Variants in TAF2 observed in about 807,000 individuals in gnomAD.
TAF2 encodes the protein TATA-box binding protein associated factor 2.
A neutral mutation model predicts 138.5 loss-of-function variants in TAF2; 61 were observed. The ratio of observed to expected loss-of-function variants is 0.44; its 90% CI spans 0.36 to 0.54. The LOEUF is 0.54. Ranked by LOEUF, TAF2 falls within the 20% of genes least tolerant of loss-of-function variation. The pLI, the probability that TAF2 is intolerant of heterozygous loss-of-function variation, is 0.00. For missense variants in TAF2, 1,090 were observed against 1,427.9 expected (o/e 0.76, Z 3.81); for synonymous variants, 475 against 469.9 (o/e 1.01, Z -0.14).
At chr8:119,807,970 G>A (rs117012050) in intron 3 of TAF2, among the ~76,000 whole-genome samples, 4,272 of 151,868 alleles carry the variant, frequency 0.028, 79 homozygotes, top group Non-Finnish European at 0.044. Flanking sequence ...CATATTCTAC[G>A]GAATAATTAA....
intron 20 of TAF2, chr8:119,760,377 T>C (rs1820979287): frequency 4.2e-6 from 2 of 476,016 alleles, no homozygotes; most frequent in South Asian, 2.9e-5. Context: ...AAAACTGACT[T>C]CTTGGAAAGG....
intron 18 of TAF2, among the ~76,000 whole-genome samples, chr8:119,767,560 G>A (rs561025311): frequency 1.1e-4 from 16 of 152,336 alleles, no homozygotes; most frequent in African/African-American, 3.6e-4. Flanking sequence ...GAAGACTGTA[G>A]AGACGCTGCT....
chr8:119,779,741 C>T (rs2043430), intron 17 of TAF2, among the ~76,000 whole-genome samples: 41,304 of 152,094 alleles, frequency 0.27, 6,874 homozygotes, highest in Admixed American at 0.46. Context: ...TAAATTTCAA[C>T]TTGCCTAACA....
Position 119,801,843 on chromosome 8 carries a change from G to C in TAF2, c.743C>G (p.Ser248Cys), listed in dbSNP as rs767047889. ...LTIPTAASNI[S>C]LAIGPFEILV... ...TATTTCAAATGGTCCAATGGCCAAGGAGATATTTGACGCTGCTGTAGGAAT... is the reference window on the plus strand; with the variant it reads ...TATTTCAAATGGTCCAATGGCCAAGCAGATATTTGACGCTGCTGTAGGAAT... Residue 248 changes from serine (S) to cysteine (C), a missense_variant, in exon 6 of 26, where the codon TCC (serine) becomes TGC (cysteine). Ser to Cys is a moderately radical substitution (Grantham distance 112). Coordinates refer to ENST00000378164, the MANE Select transcript of TAF2 (RefSeq NM_003184.4). 1.1e-5 allele frequency: 17 copies of C among 1,614,046 alleles called. No homozygotes were observed. The South Asian group carries it at 1.6e-4, about 16-fold the overall frequency.
At chr8:119,819,615 C>G (rs1452019709) in intron 2 of TAF2, 109 bp from the exon 3 acceptor site, 11 of 861,134 alleles carry the variant, frequency 1.3e-5, no homozygotes, top group Non-Finnish European at 1.9e-5. Flanking sequence ...GACAAAATCC[C>G]TAATAGCTAC....
intron 2 of TAF2, among the ~76,000 whole-genome samples, chr8:119,827,256 C>T (rs1242878289): frequency 1.3e-5 from 2 of 152,178 alleles, no homozygotes; most frequent in African/African-American, 4.8e-5. Context: ...TCATGTTCTT[C>T]AGATATTTCT....
intron 4 of TAF2, among the ~76,000 whole-genome samples, chr8:119,805,444 G>T (rs573923439): frequency 6.6e-6 from 1 of 152,038 alleles, no homozygotes; most frequent in Non-Finnish European, 1.5e-5. Flanking sequence ...AGTGGCTCAC[G>T]CCTGTAATCC....
At chr8:119,765,201 T>C (rs1821336152) in intron 18 of TAF2, among the ~76,000 whole-genome samples, 1 of 152,228 alleles carries the variant, frequency 6.6e-6, no homozygotes, top group East Asian at 1.9e-4. Flanking sequence ...TAAATGAATA[T>C]ATAAATATAG....
chr8:119,739,932 T>A (rs1296543844), intron 25 of TAF2, among the ~76,000 whole-genome samples: 1 of 152,070 alleles, frequency 6.6e-6, no homozygotes, highest in East Asian at 1.9e-4. Flanking sequence ...GTTATCTACT[T>A]CAAAAACTTT....
intron 23 of TAF2, among the ~76,000 whole-genome samples, chr8:119,745,340 T>C (rs1280959187): frequency 6.6e-6 from 1 of 152,144 alleles, no homozygotes; most frequent in Non-Finnish European, 1.5e-5. Flanking sequence ...ATTATAAATA[T>C]ATCAATTTTC....
intron 18 of TAF2, chr8:119,767,113 A>G (rs1821485311): frequency 6.6e-6 from 1 of 152,204 alleles, no homozygotes. Context: ...AATCTCATCA[A>G]TTCTTATAAT....
intron 5 of TAF2, among the ~76,000 whole-genome samples, chr8:119,802,913 A>C (rs1258843544): frequency 6.6e-6 from 1 of 152,038 alleles, no homozygotes; most frequent in Non-Finnish European, 1.5e-5. Flanking sequence ...GCAACAGGCT[A>C]TCTCTACTAA....
Position 119,766,621 on chromosome 8 carries a change from C to T in TAF2, c.2365-4013G>A, listed in dbSNP as rs1207106162. Among the ~76,000 whole-genome samples, 5 of 152,072 alleles carry T rather than the reference C, an allele frequency of 3.3e-5. No homozygotes were observed. The East Asian group carries it at 9.6e-4, about 29-fold the overall frequency. On this transcript the variant is annotated intron_variant, in intron 18 of 25. Coordinates refer to ENST00000378164, the MANE Select transcript of TAF2 (RefSeq NM_003184.4). ...CCTGGCCAAAACAGTGAAACCCTGT[C>T]TCCACTAAACATACAAAAATTAGCT...
intron 25 of TAF2, among the ~76,000 whole-genome samples, chr8:119,737,001 T>C (rs1055120870): frequency 6.6e-6 from 1 of 152,046 alleles, no homozygotes; most frequent in East Asian, 1.9e-4. Context: ...AACACTAGAA[T>C]GAAAAGTACA....
intron 14 of TAF2, among the ~76,000 whole-genome samples, chr8:119,786,562 T>C (rs1236579658): frequency 6.6e-6 from 1 of 152,184 alleles, no homozygotes; most frequent in African/African-American, 2.4e-5. Context: ...GAATGTTTGG[T>C]AATACTAACT....
chr8:119,733,788 C>T (rs555533409), intron 25 of TAF2, among the ~76,000 whole-genome samples: 1 of 151,918 alleles, frequency 6.6e-6, no homozygotes, highest in Admixed American at 6.6e-5. Flanking sequence ...CCGCCCCCCC[C>T]CATCCTAATC....
chr8:119,806,423 C>A, intron 3 of TAF2, 22 bp from the exon 4 acceptor site: 14 of 1,493,396 alleles, frequency 9.4e-6, no homozygotes, highest in Non-Finnish European at 1.3e-5. Flanking sequence ...AAAGAGCCAA[C>A]TTTTAATAAT....
intron 18 of TAF2, among the ~76,000 whole-genome samples, chr8:119,773,319 G>A (rs16892875): frequency 0.16 from 24,647 of 151,274 alleles, 3,564 homozygotes; most frequent in African/African-American, 0.38. Flanking sequence ...TCAGTTTGCT[G>A]ATAAGTTCCA....
chr8:119,755,156 G>A (rs1200424933), intron 22 of TAF2, among the ~76,000 whole-genome samples: 1 of 152,190 alleles, frequency 6.6e-6, no homozygotes, highest in Non-Finnish European at 1.5e-5. Context: ...TGGTTCCAGA[G>A]CTAGCACTCC....
Sources: gnomAD v4.1 joint callset for allele counts (sites outside exome capture counted in the v4.1 genomes callset) on GRCh38, gnomAD v4.1.1 for gene constraint, MANE v1.5 for transcripts, NCBI Gene and HGNC (gene_info 2026-07-23, HGNC 2026-07-21) for gene names.